KALRN: variants seen among roughly 807,000 people sequenced by gnomAD.
The protein encoded by KALRN is kalirin.
KALRN carries 70 observed loss-of-function variants against 353.7 expected under a neutral mutation model. The observed-to-expected ratio is 0.20, with a 90% CI of 0.16 to 0.24. The LOEUF is 0.24. Among genes scored for constraint, KALRN ranks in the 10% least tolerant of loss-of-function variants. The pLI, the probability that KALRN is intolerant of heterozygous loss-of-function variation, is 1.00. For missense variants in KALRN, 2,791 were observed against 3,756.7 expected (o/e 0.74, Z 6.72); for synonymous variants, 1,391 against 1,434.8 (o/e 0.97, Z 0.69).
chr3:124,430,857 G>A (rs1189292197), intron 16 of KALRN, 82 bp downstream of exon 16: 5 of 1,493,884 alleles, frequency 3.3e-6, no homozygotes, highest in Non-Finnish European at 4.5e-6. Context: ...AGGTGTGGGT[G>A]TTCCTTCAGG....
At chr3:124,322,623 A>G (rs2079455080) in intron 6 of KALRN, among the ~76,000 whole-genome samples, 1 of 152,234 alleles carries the variant, frequency 6.6e-6, no homozygotes, top group Non-Finnish European at 1.5e-5. Context: ...TAATAGGGGC[A>G]TAAACAGTCA....
At chr3:124,440,876 C>T (rs2093645578) in intron 18 of KALRN, among the ~76,000 whole-genome samples, 2 of 151,782 alleles carry the variant, frequency 1.3e-5, no homozygotes, top group African/African-American at 4.8e-5. Flanking sequence ...ACAAGAAATA[C>T]TGTCAGTCAT....
intron 13 of KALRN, among the ~76,000 whole-genome samples, chr3:124,412,565 G>T (rs1560853584): frequency 6.6e-6 from 1 of 152,326 alleles, no homozygotes; most frequent in Non-Finnish European, 1.5e-5. Context: ...GATGATTGCA[G>T]AGATTGTAAA....
At chr3:124,495,065 G>A (rs764017930) in intron 32 of KALRN, among the ~76,000 whole-genome samples, 1 of 152,124 alleles carries the variant, frequency 6.6e-6, no homozygotes, top group East Asian at 1.9e-4. Context: ...TACAGGATGG[G>A]GGCACAGTTC....
At chr3:124,358,862 C>T (rs1464800856) in intron 10 of KALRN, among the ~76,000 whole-genome samples, 1 of 152,158 alleles carries the variant, frequency 6.6e-6, no homozygotes, top group African/African-American at 2.4e-5. Flanking sequence ...AGTAGTCTAG[C>T]TCCAGAGTCC....
At chr3:124,225,408 G>T (rs903352945) in intron 1 of KALRN, among the ~76,000 whole-genome samples, 3 of 152,218 alleles carry the variant, frequency 2.0e-5, no homozygotes, top group African/African-American at 7.2e-5. Flanking sequence ...TTTGGATTTT[G>T]TAAATGTGGA....
At chr3:124,567,804 G>A (rs1410308674) in intron 34 of KALRN, among the ~76,000 whole-genome samples, 1 of 151,978 alleles carries the variant, frequency 6.6e-6, no homozygotes, top group Non-Finnish European at 1.5e-5. Context: ...GTTCTTTTGT[G>A]AAAAAAATAA....
intron 2 of KALRN, among the ~76,000 whole-genome samples, chr3:124,232,500 G>T (rs990356197): frequency 1.3e-5 from 2 of 152,130 alleles, no homozygotes; most frequent in Non-Finnish European, 2.9e-5. Flanking sequence ...CCTCAGAGAG[G>T]GGGGCAGCCC....
intron 15 of KALRN, among the ~76,000 whole-genome samples, chr3:124,424,739 C>T (rs928045045): frequency 6.6e-6 from 1 of 152,206 alleles, no homozygotes; most frequent in Non-Finnish European, 1.5e-5. Context: ...GCAAATTCTG[C>T]AACTTAGTAG....
At chr3:124,311,064 C>CT (rs71145446) in intron 6 of KALRN, among the ~76,000 whole-genome samples, 1,830 of 67,492 alleles carry the variant, frequency 0.027, 345 homozygotes, top group African/African-American at 0.085. Context: ...GATACTACTT[C>CT]TTTTTTTTTT....
chr3:124,283,734 G>A (rs777437989), intron 5 of KALRN, among the ~76,000 whole-genome samples: 6 of 152,202 alleles, frequency 3.9e-5, no homozygotes, highest in African/African-American at 9.7e-5. Flanking sequence ...CTTGAGGAGG[G>A]CAAGTGCGAG....
At chr3:124,449,458 G>A (rs1372677072) in intron 21 of KALRN, among the ~76,000 whole-genome samples, 1 of 152,130 alleles carries the variant, frequency 6.6e-6, no homozygotes, top group Non-Finnish European at 1.5e-5. Flanking sequence ...CCTATTATGG[G>A]TTTCAAAATG....
intron 13 of KALRN, among the ~76,000 whole-genome samples, chr3:124,409,067 G>T (rs1217820161): frequency 6.6e-6 from 1 of 152,126 alleles, no homozygotes; most frequent in Admixed American, 6.5e-5. Flanking sequence ...GATGTCTCTA[G>T]AGTAGACAAT....
chr3:124,496,586 C>T (rs760968337), intron 33 of KALRN, among the ~76,000 whole-genome samples, 173 bp downstream of exon 33: 13 of 152,152 alleles, frequency 8.5e-5, no homozygotes, highest in Admixed American at 2.6e-4. Context: ...TGTCCCAGCA[C>T]GAGATCTGGT....
chr3:124,695,485 C>T (rs333281), intron 53 of KALRN, among the ~76,000 whole-genome samples: 1,867 of 152,202 alleles, frequency 0.012, 43 homozygotes, highest in African/African-American at 0.043. Context: ...TAGTGTGAGA[C>T]GCAGTGGTTG....
Position 124,667,165 on chromosome 3 carries a change from C to G in KALRN, c.6685C>G (p.Gln2229Glu), listed in dbSNP as rs1473046966. ...VQDINQVLETQRDFLNALQSP... is the reference protein window; with the variant it reads ...VQDINQVLETERDFLNALQSP... The stretch of plus-strand genomic sequence containing the variant: ...GGACATCAATCAAGTCTTAGAAACA[C>G]AGCGAGACTTTTTGAATGGTGGGTG... The change falls in exon 47 of 60, where the codon CAG becomes GAG. Residue 2229 changes from glutamine (Q) to glutamate (E), a missense_variant. By Grantham distance (29) the Gln-to-Glu change is conservative. Transcript: ENST00000682506. The G allele has an allele frequency of 1.9e-6, 3 of 1,613,928 alleles. No homozygotes were observed. In the Admixed American group the frequency reaches 5.0e-5, roughly 27 times the overall value.
At chr3:124,152,238 T>C (rs1206611335) in intron 1 of KALRN, 23 of 1,572,386 alleles carry the variant, frequency 1.5e-5, no homozygotes, top group Non-Finnish European at 2.0e-5. Context: ...TGTAGATTAG[T>C]TCATTTACTG....
intron 49 of KALRN, among the ~76,000 whole-genome samples, chr3:124,677,175 C>T (rs962649843): frequency 1.3e-5 from 2 of 152,172 alleles, no homozygotes; most frequent in Admixed American, 1.3e-4. Flanking sequence ...ATAGGCCCAC[C>T]TTTGACAAGG....
At chr3:124,559,950 T>C (rs1322899837) in intron 33 of KALRN, among the ~76,000 whole-genome samples, 1 of 152,254 alleles carries the variant, frequency 6.6e-6, no homozygotes, top group Admixed American at 6.5e-5. Flanking sequence ...CGTGTGAGCA[T>C]GGAAGAAATT....
Sources: gnomAD v4.1 joint callset for allele counts (sites outside exome capture counted in the v4.1 genomes callset) on GRCh38, gnomAD v4.1.1 for gene constraint, MANE v1.5 for transcripts, NCBI Gene and HGNC (gene_info 2026-07-23, HGNC 2026-07-21) for gene names.